LAMA2: variants seen among roughly 807,000 people sequenced by gnomAD.
LAMA2 encodes the protein laminin subunit alpha 2.
A neutral mutation model predicts 364.8 loss-of-function variants in LAMA2; 269 were observed. That is an observed-to-expected ratio of 0.74 (90% CI 0.67 to 0.82). The LOEUF (loss-of-function observed/expected upper bound fraction) is 0.82, where lower values mean the gene tolerates loss of function less well. LAMA2 is among the 40% of genes least tolerant of loss of function. The probability of loss-of-function intolerance (pLI) is 0.00; values close to 1 mark genes in which losing one functional copy is unlikely to be tolerated. For missense variants in LAMA2, 3,807 were observed against 3,873.2 expected, an observed-to-expected ratio of 0.98 and a Z score of 0.45; for synonymous variants, 1,379 against 1,370.6, an observed-to-expected ratio of 1.01 and a Z score of -0.14.
chr6:128,998,130 A>G (rs1437760639), intron 1 of LAMA2, among the ~76,000 whole-genome samples: 1 of 152,096 alleles, frequency 6.6e-6, no homozygotes, highest in Non-Finnish European at 1.5e-5. Flanking sequence ...GTCAGCGAGG[A>G]GGTAAAGAGC....
At position 129,119,718 on chromosome 6, in the gene LAMA2, T is replaced by G; in HGVS notation, c.639+21303T>G. 1.3e-5 allele frequency among the ~76,000 whole-genome samples: 2 copies of G among 152,060 alleles called. 1 individual carries two copies. On this transcript the variant is annotated intron_variant, in intron 4 of 64. Coordinates refer to ENST00000421865, the MANE Select transcript of LAMA2 (RefSeq NM_000426.4). ...GCCCGCCACCACGCCTGGCTAATTT[T>G]TTTGTATTTTTAGTACAGACGGGGT...
chr6:129,293,865 T>A (rs931389022), intron 20 of LAMA2, among the ~76,000 whole-genome samples: 2 of 152,206 alleles, frequency 1.3e-5, no homozygotes, highest in Non-Finnish European at 2.9e-5. Flanking sequence ...ACACATTTTT[T>A]AAAAAACAAA....
intron 12 of LAMA2, among the ~76,000 whole-genome samples, chr6:129,237,721 A>G (rs1785089989): frequency 6.6e-6 from 1 of 152,204 alleles, no homozygotes; most frequent in Non-Finnish European, 1.5e-5. Flanking sequence ...ATATGCATTT[A>G]TAATTTTAAC....
At chr6:129,418,588 G>A (rs903561850) in intron 40 of LAMA2, among the ~76,000 whole-genome samples, 1 of 152,106 alleles carries the variant, frequency 6.6e-6, no homozygotes, top group African/African-American at 2.4e-5. Context: ...TGAACGTGAT[G>A]TCATATAGGA....
intron 27 of LAMA2, among the ~76,000 whole-genome samples, chr6:129,317,350 A>C (rs1052408154): frequency 6.6e-6 from 1 of 152,192 alleles, no homozygotes; most frequent in Non-Finnish European, 1.5e-5. Flanking sequence ...CAGAAAAATT[A>C]TGAAGTCTCT....
At chr6:129,199,334 T>C (rs1192280894) in intron 12 of LAMA2, among the ~76,000 whole-genome samples, 1 of 152,132 alleles carries the variant, frequency 6.6e-6, no homozygotes, top group African/African-American at 2.4e-5. Flanking sequence ...AAAACTAGAA[T>C]TGGAAAAGCA....
intron 40 of LAMA2, among the ~76,000 whole-genome samples, chr6:129,413,681 A>G (rs1780647620): frequency 6.6e-6 from 1 of 152,208 alleles, no homozygotes; most frequent in Non-Finnish European, 1.5e-5. Flanking sequence ...GGCTTGAGAA[A>G]AAAACACAGT....
At chr6:129,223,070 G>A (rs982884624) in intron 12 of LAMA2, among the ~76,000 whole-genome samples, 9 of 152,150 alleles carry the variant, frequency 5.9e-5, no homozygotes, top group Non-Finnish European at 1.2e-4. Context: ...TTGTGGTTTT[G>A]ATTTGCATTT....
intron 1 of LAMA2, among the ~76,000 whole-genome samples, chr6:128,966,291 G>A (rs1322793363): frequency 6.6e-6 from 1 of 151,766 alleles, no homozygotes; most frequent in Non-Finnish European, 1.5e-5. Context: ...GACTGTTTTT[G>A]TGTTTCATGT....
chr6:129,288,481 A>G (rs1789443583), intron 19 of LAMA2, among the ~76,000 whole-genome samples: 1 of 152,176 alleles, frequency 6.6e-6, no homozygotes, highest in African/African-American at 2.4e-5. Context: ...TTAATCAGTT[A>G]TGCTTTCATA....
chr6:129,174,493 G>GTT (rs1780439384), intron 9 of LAMA2, among the ~76,000 whole-genome samples: 3 of 151,854 alleles, frequency 2.0e-5, no homozygotes, highest in Non-Finnish European at 4.4e-5. Flanking sequence ...AAGTGTGTGT[G>GTT]TGTGTGTGTG....
rs369978622 is a variant in LAMA2 at position 129,059,807 on chromosome 6, A to T, written c.307A>T (p.Ile103Phe). 1 of 1,608,130 alleles carries T rather than the reference A, an allele frequency of 6.2e-7. No homozygotes were observed. Among genetic ancestry groups the T allele is most frequent in the South Asian group, 1.1e-5 (1 of 90,960 alleles). Residue 103 changes from isoleucine (I) to phenylalanine (F), a missense_variant, in exon 3 of 65, where the codon ATT becomes TTT. Around this residue, in one of 3 missense-constraint regions of LAMA2, gnomAD observed 394 missense variants for 403.5 expected, o/e 0.98. Coordinates refer to ENST00000421865, the MANE Select transcript of LAMA2 (RefSeq NM_000426.4). ...AGAGAGACACCCGATTACAAATGCT[A>T]TTGATGGAAAGAACACTTGGTGGCA... ...PNQRHPITNA[I>F]DGKNTWWQSP... is the part of the protein sequence containing the mutation.
chr6:128,996,169 C>T (rs9492184), intron 1 of LAMA2, among the ~76,000 whole-genome samples: 52,024 of 151,906 alleles, frequency 0.34, 10,683 homozygotes, highest in African/African-American at 0.58. Context: ...GATAAAATGG[C>T]GAGTGAATGC....
intron 10 of LAMA2, among the ~76,000 whole-genome samples, chr6:129,186,639 T>C (rs970984296): frequency 6.6e-6 from 1 of 151,762 alleles, no homozygotes; most frequent in African/African-American, 2.4e-5. Context: ...CTCAACTCCC[T>C]GGTTTTTCTG....
chr6:129,302,384 C>A lies in LAMA2; in HGVS notation c.3174+1512C>A, dbSNP rs542422557. 2.0e-5 allele frequency among the ~76,000 whole-genome samples: 3 copies of A among 152,108 alleles called. No individual in the cohort carries two copies. The South Asian group carries it at 6.2e-4, about 32-fold the overall frequency. On this transcript the variant is annotated intron_variant, in intron 22 of 64. Transcript: ENST00000421865. Reference sequence around the variant, plus strand: ...TGTTTGTTTCCTTAGTAATGCATTGCAAGGATTATTTATATATTCTGGATA... The same window carrying A: ...TGTTTGTTTCCTTAGTAATGCATTGAAAGGATTATTTATATATTCTGGATA...
At chr6:129,363,661 A>T (rs1777596195) in intron 32 of LAMA2, among the ~76,000 whole-genome samples, 2 of 152,206 alleles carry the variant, frequency 1.3e-5, no homozygotes, top group Non-Finnish European at 2.9e-5. Flanking sequence ...AGAAAAGCAC[A>T]TTCTCAGTCA....
At chr6:129,368,883 A>G (rs1777920617) in intron 33 of LAMA2, among the ~76,000 whole-genome samples, 2 of 152,176 alleles carry the variant, frequency 1.3e-5, no homozygotes, top group Admixed American at 1.3e-4. Context: ...GTGCTCCCCA[A>G]GCTTCAGCCA....
chr6:129,221,679 G>C (rs1000993125), intron 12 of LAMA2, among the ~76,000 whole-genome samples: 38 of 144,532 alleles, frequency 2.6e-4, no homozygotes, highest in African/African-American at 9.9e-4. Flanking sequence ...TTAACCACTT[G>C]ACATTATCTT....
At chr6:129,503,056 T>C (rs571816967) in intron 59 of LAMA2, 35 bp from the exon 60 acceptor site, 1 of 1,590,422 alleles carries the variant, frequency 6.3e-7, no homozygotes, top group Admixed American at 1.7e-5. Context: ...ATGCTGTTAT[T>C]TTTCTGTTTG....
Sources: allele counts gnomAD v4.1 joint callset (sites outside exome capture counted in the v4.1 genomes callset), GRCh38; gene constraint gnomAD v4.1.1; regional missense constraint gnomAD v4.1.1; transcripts MANE v1.5; gene names NCBI Gene and HGNC (gene_info 2026-07-23, HGNC 2026-07-21).